The following POMT2 variants were observed in gnomAD, a reference collection of about 807,000 sequenced individuals.
The protein encoded by POMT2 is protein O-mannosyltransferase 2.
POMT2 carries 75 observed loss-of-function variants against 100.0 expected under a neutral mutation model. That is an observed-to-expected ratio of 0.75 (90% CI 0.62 to 0.91). POMT2 has a LOEUF of 0.91. POMT2 is among the 40% of genes least tolerant of loss of function. The pLI is 0.00. For missense variants in POMT2, 940 were observed against 955.1 expected (o/e 0.98, Z 0.21); for synonymous variants, 378 against 374.1 (o/e 1.01, Z -0.12).
At chr14:77,304,012 A>G (rs1891142821) in intron 4 of POMT2, among the ~76,000 whole-genome samples, 2 of 152,252 alleles carry the variant, frequency 1.3e-5, no homozygotes, top group Non-Finnish European at 2.9e-5. Context: ...TCAAGATACA[A>G]GGAAAAAGCC....
rs777504929 is a variant in POMT2 at position 77,320,641 on chromosome 14, A to G, written c.41T>C (p.Leu14Pro). Reference protein sequence around the residue: ...ATGGGLAESELRPRRGRCGPQ... With the variant: ...ATGGGLAESEPRPRRGRCGPQ... ...GCCACAGCGGCCCCTCCGGGGACGC[A>G]GCTCGGACTCTGCCAGGCCTCCGCC... The change falls in exon 1 of 21, where the codon CTG becomes CCG. Residue 14 changes from leucine (L) to proline (P), a missense_variant. Transcript: ENST00000261534. 1.6e-5 allele frequency: 26 copies of G among 1,593,484 alleles called. No individual in the cohort carries two copies. The South Asian group carries it at 2.8e-4, about 17-fold the overall frequency.
rs1241829973 is a variant in POMT2, at chr14:77,278,885, A to G, written c.1892-16T>C. On this transcript the variant is annotated splice_polypyrimidine_tract_variant and intron_variant, in intron 18 of 20. Coordinates refer to ENST00000261534, the MANE Select transcript of POMT2 (RefSeq NM_013382.7). ...TGGGACAACCCTGGGCCCAAGCAGC[A>G]CAGCCCAGTCAGAAGACAAGGAGCG... The G allele has an allele frequency of 9.9e-6, 16 of 1,611,918 alleles. No homozygotes were observed. The highest frequency in any genetic ancestry group is 1.4e-5 in the Non-Finnish European group (16 of 1,179,106).
At chr14:77,292,392 C>A (rs985864371) in intron 9 of POMT2, among the ~76,000 whole-genome samples, 2 of 152,218 alleles carry the variant, frequency 1.3e-5, no homozygotes, top group Non-Finnish European at 2.9e-5. Context: ...ACCATTATTA[C>A]AGCTCTATGC....
chr14:77,278,277 C>A, intron 20 of POMT2, 117 bp downstream of exon 20: 2 of 894,366 alleles, frequency 2.2e-6, no homozygotes, highest in Non-Finnish European at 3.6e-6. Flanking sequence ...TGACGCAGAA[C>A]CTCCAGGCAT....
At chr14:77,319,091 T>A (rs531583616) in intron 1 of POMT2, among the ~76,000 whole-genome samples, 9 of 152,202 alleles carry the variant, frequency 5.9e-5, no homozygotes, top group Admixed American at 5.9e-4. Context: ...TTGTAATTAC[T>A]GGTAATGACA....
chr14:77,287,086 G>A, intron 11 of POMT2: 1 of 544,412 alleles, frequency 1.8e-6, no homozygotes, highest in Non-Finnish European at 3.0e-6. Flanking sequence ...TTTAGGTGCT[G>A]GCAGGGAGGT....
chr14:77,287,862 C>CA (rs1890492036), intron 11 of POMT2: 1 of 152,104 alleles, frequency 6.6e-6, no homozygotes, highest in Non-Finnish European at 1.5e-5. Flanking sequence ...ATTCTGAGAT[C>CA]ACCCAGGCAA....
intron 14 of POMT2, chr14:77,284,441 T>C (rs2140181249): frequency 4.9e-6 from 1 of 205,322 alleles, no homozygotes; most frequent in East Asian, 1.2e-4. Context: ...GTGGGTAGTT[T>C]AGGAAAACAG....
chr14:77,316,594 T>C (rs1594808486), intron 1 of POMT2, among the ~76,000 whole-genome samples: 1 of 129,552 alleles, frequency 7.7e-6, no homozygotes, highest in East Asian at 2.2e-4. Flanking sequence ...AAAAAAAGAG[T>C]ATAGCTAGCC....
chr14:77,298,171 G>A (rs188116157), intron 8 of POMT2, among the ~76,000 whole-genome samples: 3 of 152,162 alleles, frequency 2.0e-5, no homozygotes, highest in Non-Finnish European at 2.9e-5. Context: ...CCCACATCAC[G>A]AACCTCTGAT....
At position 77,291,359 on chromosome 14, in the gene POMT2, C is replaced by A; in HGVS notation, c.1138G>T (p.Asp380Tyr). ...QQQVTTYLHK[D>Y]YNNLWIIKKH... The stretch of plus-strand genomic sequence containing the variant: ...TTGATAATCCACAGGTTGTTGTAGT[C>A]CTTGTGCAAATAGGTGGTGACCTGG... Residue 380 changes from aspartate (D) to tyrosine (Y), a missense_variant, in exon 10 of 21, where the codon GAC becomes TAC. By Grantham distance (160) the Asp-to-Tyr change is radical. Transcript: ENST00000261534. The A allele has an allele frequency of 6.3e-7, 1 of 1,579,600 alleles. No individual in the cohort carries two copies. Among genetic ancestry groups the A allele is most frequent in the Non-Finnish European group, 8.5e-7 (1 of 1,169,796 alleles).
In POMT2 at chr14:77,280,006, T is replaced by C. The variant is rs373815491; in HGVS notation, c.1785+15A>G. 8 of 1,613,882 alleles carry C rather than the reference T, an allele frequency of 5.0e-6. No individual in the cohort carries two copies. Among genetic ancestry groups the C allele is most frequent in the Non-Finnish European group, 6.8e-6 (8 of 1,179,998 alleles). ...AGTGCTCCAGGGCCTGAGCCGGGAA[T>C]GTTTAGGCACTCACCGGGTTGCCAA... On this transcript the variant is annotated intron_variant, in intron 17 of 20. Transcript: ENST00000261534.
In POMT2 at chr14:77,299,535, A is replaced by C; in HGVS notation, c.843T>G (p.Ala281=). 1 of 1,614,182 alleles carries C rather than the reference A, an allele frequency of 6.2e-7. No individual in the cohort carries two copies. Among genetic ancestry groups the C allele is most frequent in the Admixed American group, 1.7e-5 (1 of 60,026 alleles). Residue 281 remains alanine, a synonymous_variant, in exon 7 of 21, where the codon GCT becomes GCG. Transcript: ENST00000261534. ...SLVTVGKHLT[A]RVLCLIVLPL... The stretch of plus-strand genomic sequence containing the variant: ...GCAGCACTATGAGGCACAGGACACG[A>C]GCAGTCAGGTGTTTTCCCACAGTCA...
intron 10 of POMT2, among the ~76,000 whole-genome samples, chr14:77,290,298 C>T (rs1890588711): frequency 6.6e-6 from 1 of 152,206 alleles, no homozygotes; most frequent in Admixed American, 6.5e-5. Context: ...TGTGATAGAA[C>T]ACTCACGTTT....
At chr14:77,287,038 G>T in intron 11 of POMT2, 1 of 951,280 alleles carries the variant, frequency 1.1e-6, no homozygotes, top group Non-Finnish European at 1.5e-6. Context: ...GAGACAGATG[G>T]TAGGAGCACT....
In POMT2 at chr14:77,280,444, G is replaced by GGTT. The variant is rs747615491; in HGVS notation, c.1670_1672dup (p.Lys557_Pro558insGln). On this transcript the variant is annotated inframe_insertion, in exon 16 of 21. Transcript: ENST00000261534. Reference sequence around the variant, plus strand: ...TTTGGACGTGAACTCATTGTCCTTGGGTTTGAGGCCACTGTTCCCCTGCAT... The same window carrying GGTT: ...TTTGGACGTGAACTCATTGTCCTTGGGTTGTTTGAGGCCACTGTTCCCCTGCAT... 1.2e-6 allele frequency: 2 copies of GGTT among 1,614,082 alleles called. No homozygotes were observed. Among genetic ancestry groups the GGTT allele is most frequent in the Non-Finnish European group, 1.7e-6 (2 of 1,180,052 alleles).
rs905496812 is a variant in POMT2, at chr14:77,278,441, G to T, written c.2100C>A (p.Gly700=). 92 of 1,500,420 alleles carry T rather than the reference G, an allele frequency of 6.1e-5. No individual in the cohort carries two copies. Among genetic ancestry groups the T allele is most frequent in the Non-Finnish European group, 8.2e-5 (90 of 1,100,484 alleles). 92.9% of individuals were successfully genotyped at this position (1,500,420 alleles called of 1,614,324 possible). A position where few individuals can be genotyped will look rare whatever the true frequency, so the allele number is the denominator to read the frequency against. The part of the protein sequence containing the change: ...WGLASWPLAR[G]IHVAGILSLL... Reference sequence around the variant, plus strand: ...GGCTCAGGATTCCCGCCACATGTATGCCCCTCGCCAGGGGCCATGAGGCCA... The same window carrying T: ...GGCTCAGGATTCCCGCCACATGTATTCCCCTCGCCAGGGGCCATGAGGCCA... The change falls in exon 20 of 21, where the codon GGC becomes GGA. Residue 700 remains glycine, a synonymous_variant. Coordinates refer to ENST00000261534, the MANE Select transcript of POMT2 (RefSeq NM_013382.7).
At chr14:77,285,813 A>C (rs1890408458) in intron 12 of POMT2, among the ~76,000 whole-genome samples, 181 bp from the exon 13 acceptor site, 1 of 152,218 alleles carries the variant, frequency 6.6e-6, no homozygotes, top group Non-Finnish European at 1.5e-5. Context: ...GGTGATTGGC[A>C]TTGTCCCAAA....
intron 8 of POMT2, 42 bp downstream of exon 8, chr14:77,298,647 C>G: frequency 6.2e-7 from 1 of 1,604,594 alleles, no homozygotes; most frequent in Non-Finnish European, 8.5e-7. Context: ...TCCCAGGACA[C>G]CCCTCTGCCT....
Sources: allele counts gnomAD v4.1 joint callset (sites outside exome capture counted in the v4.1 genomes callset), GRCh38; gene constraint gnomAD v4.1.1; transcripts MANE v1.5; gene names NCBI Gene and HGNC (gene_info 2026-07-23, HGNC 2026-07-21).